CERS3: variants seen among roughly 807,000 people sequenced by gnomAD.
The protein encoded by CERS3 is ceramide synthase 3.
In CERS3, 33 loss-of-function variants were observed where a neutral mutation model predicts 50.3. That is an observed-to-expected ratio of 0.66 (90% CI 0.50 to 0.88). The LOEUF (loss-of-function observed/expected upper bound fraction) is 0.88, where lower values mean the gene tolerates loss of function less well. Ranked by LOEUF, CERS3 falls within the 40% of genes least tolerant of loss-of-function variation. The pLI is 0.00. For missense variants in CERS3, 470 were observed against 460.3 expected (o/e 1.02, Z -0.19); for synonymous variants, 176 against 155.2 (o/e 1.13, Z -0.99).
At chr15:100,419,721 T>A (rs867704714) in intron 11 of CERS3, among the ~76,000 whole-genome samples, 6 of 151,688 alleles carry the variant, frequency 4.0e-5, no homozygotes, top group Non-Finnish European at 4.4e-5. Flanking sequence ...ATAGAAATTA[T>A]AACAAACTAT....
At chr15:100,430,824 T>G (rs929527408) in intron 11 of CERS3, among the ~76,000 whole-genome samples, 3 of 152,194 alleles carry the variant, frequency 2.0e-5, no homozygotes, top group Non-Finnish European at 2.9e-5. Flanking sequence ...AAAAACAAAT[T>G]GAGTTTTTTC....
chr15:100,502,467 T>C (rs1236415306), intron 2 of CERS3, among the ~76,000 whole-genome samples: 1 of 152,192 alleles, frequency 6.6e-6, no homozygotes, highest in Non-Finnish European at 1.5e-5. Flanking sequence ...GTGTATTTTC[T>C]TTGTGTATGA....
At chr15:100,471,449 G>A (rs1357538481) in intron 9 of CERS3, among the ~76,000 whole-genome samples, 1 of 152,112 alleles carries the variant, frequency 6.6e-6, no homozygotes, top group Admixed American at 6.5e-5. Flanking sequence ...TATTCCCAGG[G>A]TGAACATCTA....
chr15:100,514,784 G>C (rs2036445764), intron 2 of CERS3, among the ~76,000 whole-genome samples: 1 of 13,590 alleles, frequency 7.4e-5, no homozygotes, highest in Non-Finnish European at 2.6e-4. Context: ...GTATGTGTGT[G>C]GGTATAAAAA....
intron 11 of CERS3, among the ~76,000 whole-genome samples, chr15:100,412,127 T>C (rs1383584490): frequency 1.3e-5 from 2 of 152,234 alleles, no homozygotes; most frequent in African/African-American, 2.4e-5. Flanking sequence ...TGAAGTCAAA[T>C]TTGCCCATTT....
chr15:100,421,619 T>C (rs1596629716), intron 11 of CERS3, among the ~76,000 whole-genome samples: 4 of 149,234 alleles, frequency 2.7e-5, no homozygotes, highest in Non-Finnish European at 4.5e-5. Flanking sequence ...AGAGCCCGCA[T>C]CGCCAAGTCA....
At chr15:100,521,118 G>A (rs552059971) in intron 2 of CERS3, among the ~76,000 whole-genome samples, 4 of 152,188 alleles carry the variant, frequency 2.6e-5, no homozygotes, top group Non-Finnish European at 4.4e-5. Flanking sequence ...TCAAATTTAG[G>A]CATTAACGGT....
chr15:100,501,607 C>T, intron 3 of CERS3, 70 bp downstream of exon 3: 5 of 1,355,340 alleles, frequency 3.7e-6, no homozygotes, highest in Non-Finnish European at 5.2e-6. Flanking sequence ...CTCACTAAGC[C>T]TAAGACTGTA....
intron 11 of CERS3, among the ~76,000 whole-genome samples, chr15:100,452,214 C>G (rs921388830): frequency 6.6e-6 from 1 of 152,036 alleles, no homozygotes; most frequent in African/African-American, 2.4e-5. Flanking sequence ...CAGGATAGAC[C>G]ATATGTTAGG....
At chr15:100,432,901 G>A (rs914668779) in intron 11 of CERS3, among the ~76,000 whole-genome samples, 1 of 152,150 alleles carries the variant, frequency 6.6e-6, no homozygotes, top group South Asian at 2.1e-4. Context: ...CTGAGATATT[G>A]TCAAGGTCAC....
intron 11 of CERS3, among the ~76,000 whole-genome samples, chr15:100,415,215 A>G (rs957006133): frequency 1.3e-5 from 2 of 152,238 alleles, no homozygotes; most frequent in African/African-American, 4.8e-5. Flanking sequence ...AATCAAAATC[A>G]CAATGAGATA....
intron 11 of CERS3, among the ~76,000 whole-genome samples, chr15:100,439,668 C>T (rs1166768729): frequency 2.0e-5 from 3 of 152,218 alleles, no homozygotes; most frequent in Admixed American, 6.5e-5. Context: ...TAGCCCTCTC[C>T]TCCCCTTTGC....
At chr15:100,494,258 T>TG (rs1555531583) in intron 3 of CERS3, among the ~76,000 whole-genome samples, 2 of 12,492 alleles carry the variant, frequency 1.6e-4, no homozygotes, top group South Asian at 2.9e-3. Flanking sequence ...TATATATATA[T>TG]TTGTTTTGAG....
chr15:100,534,608 C>A (rs564475315), intron 1 of CERS3, among the ~76,000 whole-genome samples: 2 of 151,264 alleles, frequency 1.3e-5, no homozygotes, highest in African/African-American at 2.4e-5. Context: ...CTGCTCACTG[C>A]GATAAATGCA....
At chr15:100,481,563 A>G (rs896315081) in intron 5 of CERS3, among the ~76,000 whole-genome samples, 8 of 152,242 alleles carry the variant, frequency 5.3e-5, no homozygotes, top group Non-Finnish European at 4.4e-5. Flanking sequence ...CCAAGCATCT[A>G]TTGATTTCTC....
At chr15:100,518,031 G>C (rs1469450692) in intron 2 of CERS3, among the ~76,000 whole-genome samples, 1 of 152,168 alleles carries the variant, frequency 6.6e-6, no homozygotes, top group Admixed American at 6.5e-5. Context: ...CATCTCTCTG[G>C]CCAGGGCAGC....
chr15:100,464,434 A>C (rs7176695), intron 10 of CERS3, among the ~76,000 whole-genome samples: 69,298 of 151,876 alleles, frequency 0.46, 16,780 homozygotes, highest in Non-Finnish European at 0.54. Context: ...GCAACAAGCC[A>C]CCCTGCCCCC....
chr15:100,544,532 G>C (rs1213741709), intron 1 of CERS3: 1 of 143,586 alleles, frequency 7.0e-6, no homozygotes, highest in African/African-American at 2.6e-5. Context: ...CTCGGCCGGG[G>C]TCTGGGCGGC....
chr15:100,455,880 G>T lies in CERS3; in HGVS notation c.999+13C>A. The T allele has an allele frequency of 1.9e-6, 3 of 1,576,428 alleles. No individual in the cohort carries two copies. Among genetic ancestry groups the T allele is most frequent in the Non-Finnish European group, 2.6e-6 (3 of 1,160,450 alleles). On this transcript the variant is annotated intron_variant, in intron 11 of 11. Transcript: ENST00000679737. Reference sequence around the variant, plus strand: ...AATGACATTAAGAGCAATAATATTTGGACAGCCCTTACCTTCATGAATATA... The same window carrying T: ...AATGACATTAAGAGCAATAATATTTTGACAGCCCTTACCTTCATGAATATA...
Sources: allele counts gnomAD v4.1 joint callset (sites outside exome capture counted in the v4.1 genomes callset), GRCh38; gene constraint gnomAD v4.1.1; transcripts MANE v1.5; gene names NCBI Gene and HGNC (gene_info 2026-07-23, HGNC 2026-07-21).